Variants in CNOT1 observed in about 807,000 individuals in gnomAD.
CNOT1 encodes the protein CCR4-NOT transcription complex subunit 1.
Under a neutral mutation model 273.8 loss-of-function variants are expected in CNOT1, and 15 were observed. That is an observed-to-expected ratio of 0.05 (90% CI 0.04 to 0.08). The LOEUF is 0.08. Ranked by LOEUF, CNOT1 falls within the 10% of genes least tolerant of loss-of-function variation. The pLI is 1.00. For missense variants in CNOT1, 1,644 were observed against 2,912.2 expected (o/e 0.56, Z 10.02); for synonymous variants, 1,022 against 1,005.5 (o/e 1.02, Z -0.31).
chr16:58,528,135 G>A (rs914886905), intron 44 of CNOT1: 2 of 483,212 alleles, frequency 4.1e-6, no homozygotes, highest in Admixed American at 4.6e-5. Flanking sequence ...AGATTACAAA[G>A]GTCTGTTTGT....
intron 39 of CNOT1, 99 bp downstream of exon 39, chr16:58,536,890 A>G: frequency 6.7e-7 from 1 of 1,500,312 alleles, no homozygotes; most frequent in Non-Finnish European, 8.9e-7. Context: ...TATGGAGGTA[A>G]CTGTCTGACC....
chr16:58,530,268 T>C lies in CNOT1; in HGVS notation c.6257A>G (p.Lys2086Arg). 1 of 1,611,408 alleles carries C rather than the reference T, an allele frequency of 6.2e-7. No individual in the cohort carries two copies. Among genetic ancestry groups the C allele is most frequent in the Non-Finnish European group, 8.5e-7 (1 of 1,178,134 alleles). ...APFLRNVELT[K>R]PMQILYKGTL... ...TACCTTGTAGAGGATTTGCATAGGT[T>C]TGGTGAGTTCCACATTTCTAAGGAA... The change falls in exon 43 of 49, where the codon AAA becomes AGA. Residue 2086 changes from lysine (K) to arginine (R), a missense_variant. This residue lies in a region of CNOT1 where 25 missense variants were observed against 31.2 expected (regional missense o/e 0.80). Transcript: ENST00000317147.
At chr16:58,527,117 T>TA (rs1396062862) in intron 44 of CNOT1, among the ~76,000 whole-genome samples, 1 of 152,044 alleles carries the variant, frequency 6.6e-6, no homozygotes, top group East Asian at 1.9e-4. Flanking sequence ...TCCAACAACT[T>TA]ACAAAAAAAT....
chr16:58,539,444 G>C (rs1197672935), intron 35 of CNOT1, among the ~76,000 whole-genome samples: 1 of 130,972 alleles, frequency 7.6e-6, no homozygotes, highest in Non-Finnish European at 1.7e-5. Flanking sequence ...ACTCAAGCCT[G>C]ACAGAGAGAG....
chr16:58,574,352 G>C (rs1848218762), intron 16 of CNOT1, among the ~76,000 whole-genome samples: 1 of 151,504 alleles, frequency 6.6e-6, no homozygotes, highest in South Asian at 2.1e-4. Flanking sequence ...AGGCAAAGTA[G>C]TGGTCTCAAC....
chr16:58,575,222 C>T, intron 14 of CNOT1, 93 bp from the exon 15 acceptor site: 1 of 1,518,646 alleles, frequency 6.6e-7, no homozygotes, highest in Non-Finnish European at 8.8e-7. Context: ...CAAACAAGTT[C>T]AAATAAAACA....
intron 19 of CNOT1, 65 bp downstream of exon 19, chr16:58,556,782 T>G: frequency 8.3e-6 from 13 of 1,571,890 alleles, no homozygotes; most frequent in African/African-American, 1.4e-5. Flanking sequence ...CTAACACAAA[T>G]GAGACATACA....
At chr16:58,521,079 G>A in intron 48 of CNOT1, 43 bp from the exon 49 acceptor site, 2 of 1,613,452 alleles carry the variant, frequency 1.2e-6, no homozygotes, top group African/African-American at 1.3e-5. Flanking sequence ...TAAAGAGTAG[G>A]CCTAACAATA....
chr16:58,577,582 G>C (rs1379955125), intron 13 of CNOT1, among the ~76,000 whole-genome samples: 1 of 152,074 alleles, frequency 6.6e-6, no homozygotes, highest in Non-Finnish European at 1.5e-5. Context: ...AGCTAAAAAG[G>C]GCACTCGGGG....
chr16:58,589,584 A>C (rs989565114), intron 2 of CNOT1, among the ~76,000 whole-genome samples: 1 of 152,132 alleles, frequency 6.6e-6, no homozygotes, highest in African/African-American at 2.4e-5. Flanking sequence ...CAGTAATTTT[A>C]CCATGCAACT....
At chr16:58,589,885 C>T (rs570261683) in intron 2 of CNOT1, among the ~76,000 whole-genome samples, 1 of 152,266 alleles carries the variant, frequency 6.6e-6, no homozygotes, top group South Asian at 2.1e-4. Flanking sequence ...ATGGTTTGTT[C>T]TTTCACTTCA....
At position 58,619,057 on chromosome 16, in the gene CNOT1, C is replaced by T. The variant is rs544241295; in HGVS notation, c.-175+10671G>A. Among the ~76,000 whole-genome samples, 6 of 152,042 alleles carry T rather than the reference C, an allele frequency of 3.9e-5. 2 individuals are homozygous for T. The highest frequency in any genetic ancestry group is 9.6e-5 in the African/African-American group (4 of 41,474). On this transcript the variant is annotated intron_variant, in intron 1 of 48. Transcript: ENST00000317147. ...AAAAAACTTTTTTTAATTAGCTGGA[C>T]GTAGTGGTGCACACCTGTAGTCCCA...
intron 35 of CNOT1, among the ~76,000 whole-genome samples, chr16:58,539,455 A>T (rs2040010971): frequency 1.4e-5 from 2 of 141,862 alleles, no homozygotes; most frequent in African/African-American, 5.5e-5. Context: ...ACAGAGAGAG[A>T]CCCTGTCTCT....
Position 58,555,215 on chromosome 16 carries a change from G to T in CNOT1, c.2891+36C>A, listed in dbSNP as rs763429574. 3.9e-5 allele frequency: 63 copies of T among 1,606,300 alleles called. No homozygotes were observed. The South Asian group carries it at 6.9e-4, about 18-fold the overall frequency. On this transcript the variant is annotated intron_variant, in intron 21 of 48. Transcript: ENST00000317147. ...AGTTAAGACCCTGTCTGCGGGGTCA[G>T]GGAAGAGATCCTTCACAGGAAACCT...
In CNOT1 at chr16:58,599,260, T is replaced by C. The variant is rs1047513150; in HGVS notation, c.78A>G (p.Arg26=). The change falls in exon 2 of 49, where the codon CGA becomes CGG. Residue 26 remains arginine, a synonymous_variant. Transcript: ENST00000317147. ...CATGCTGTATTTCCTGCTGGCTGGCTCGGTAATTTTTCTTGGTTAAATTGT... is the reference window on the plus strand; with the variant it reads ...CATGCTGTATTTCCTGCTGGCTGGCCCGGTAATTTTTCTTGGTTAAATTGT... ...LVDNLTKKNY[R]ASQQEIQHIV... 6.2e-7 allele frequency: 1 copy of C among 1,614,104 alleles called. No individual in the cohort carries two copies. Among genetic ancestry groups the C allele is most frequent in the African/African-American group, 1.3e-5 (1 of 74,936 alleles).
intron 16 of CNOT1, 129 bp from the exon 17 acceptor site, chr16:58,560,491 A>G (rs1178412561): frequency 1.2e-5 from 17 of 1,426,524 alleles, no homozygotes; most frequent in South Asian, 3.0e-5. Context: ...GGAGTGCAGT[A>G]GCACGATATC....
At chr16:58,572,644 T>C (rs988433854) in intron 16 of CNOT1, among the ~76,000 whole-genome samples, 1 of 151,798 alleles carries the variant, frequency 6.6e-6, no homozygotes, top group Non-Finnish European at 1.5e-5. Flanking sequence ...TGGTGGCTCA[T>C]GCCTGTAATC....
intron 47 of CNOT1, among the ~76,000 whole-genome samples, chr16:58,521,609 G>A (rs1010554126): frequency 7.2e-5 from 11 of 152,170 alleles, no homozygotes; most frequent in African/African-American, 2.7e-4. Flanking sequence ...GCCACATAAA[G>A]CCCAGAGTAC....
chr16:58,537,599 A>G (rs1479543961), intron 38 of CNOT1, among the ~76,000 whole-genome samples: 1 of 152,232 alleles, frequency 6.6e-6, no homozygotes, highest in Non-Finnish European at 1.5e-5. Context: ...TTTAAGGAGG[A>G]TAAGTCAATT....
Sources: gnomAD v4.1 joint callset for allele counts (sites outside exome capture counted in the v4.1 genomes callset) on GRCh38, gnomAD v4.1.1 for gene constraint, gnomAD v4.1.1 regional missense constraint, MANE v1.5 for transcripts, NCBI Gene and HGNC (gene_info 2026-07-23, HGNC 2026-07-21) for gene names.